The following PTPRG variants were observed in gnomAD, a reference collection of about 807,000 sequenced individuals.
PTPRG encodes the protein receptor-type tyrosine-protein phosphatase gamma.
Under a neutral mutation model 165.3 loss-of-function variants are expected in PTPRG, and 102 were observed. That is an observed-to-expected ratio of 0.62 (90% CI 0.53 to 0.73). PTPRG has a LOEUF of 0.73. Ranked by LOEUF, PTPRG falls within the 30% of genes least tolerant of loss-of-function variation. The probability of loss-of-function intolerance (pLI) is 0.00; values close to 1 mark genes in which losing one functional copy is unlikely to be tolerated. For missense variants in PTPRG, 1,866 were observed against 1,861.4 expected (o/e 1.00, Z -0.05); for synonymous variants, 675 against 669.5 (o/e 1.01, Z -0.13).
Position 62,273,015 on chromosome 3 carries a change from C to T in PTPRG, c.3252C>T (p.Ser1084=). ...DSMLQQIKDK[S]TVNVLGFLKH... is the part of the protein sequence containing the mutation. ...TGCTGCAACAGATAAAAGACAAAAG[C>T]ACAGTTAACGTCCTGGGATTCCTGA... The change falls in exon 22 of 30, where the codon AGC becomes AGT. Residue 1084 remains serine (S), a synonymous_variant. Coordinates refer to ENST00000474889, the MANE Select transcript of PTPRG (RefSeq NM_002841.4). The surrounding 1 kb of genome is among the most constrained non-coding windows in gnomAD (Gnocchi z 4.1). The T allele has an allele frequency of 6.2e-7, 1 of 1,613,778 alleles. No individual in the cohort carries two copies. Among genetic ancestry groups the T allele is most frequent in the Admixed American group, 1.7e-5 (1 of 59,984 alleles).
intron 1 of PTPRG, among the ~76,000 whole-genome samples, chr3:61,630,052 G>A (rs570082321): frequency 6.6e-6 from 1 of 152,266 alleles, no homozygotes; most frequent in East Asian, 1.9e-4. Flanking sequence ...CAAAGACCCT[G>A]GCCATGGCCT....
intron 1 of PTPRG, among the ~76,000 whole-genome samples, chr3:61,594,565 C>T (rs1700648366): frequency 6.6e-6 from 1 of 152,114 alleles, no homozygotes. Context: ...TCCATCCAAT[C>T]AGTTATTTCT....
chr3:62,093,420 G>A (rs956139134), intron 5 of PTPRG, among the ~76,000 whole-genome samples: 1 of 152,288 alleles, frequency 6.6e-6, no homozygotes, highest in South Asian at 2.1e-4. Context: ...GTGATCAGAC[G>A]TGCCATTGTC....
intron 3 of PTPRG, among the ~76,000 whole-genome samples, chr3:62,001,008 T>C (rs191985865): frequency 6.6e-6 from 1 of 151,366 alleles, no homozygotes; most frequent in African/African-American, 2.4e-5. Flanking sequence ...AGGTTACCAC[T>C]GTTAAGTGGC....
chr3:62,087,257 G>A (rs2106784259), intron 5 of PTPRG, among the ~76,000 whole-genome samples: 1 of 152,272 alleles, frequency 6.6e-6, no homozygotes, highest in East Asian at 1.9e-4. Flanking sequence ...AAGAATTTGA[G>A]TTGTGTGACT....
In PTPRG at chr3:62,273,009, CA is replaced by C; in HGVS notation, c.3250del (p.Ser1084AlafsTer9). 6.2e-7 allele frequency: 1 copy of C among 1,613,756 alleles called. No individual in the cohort carries two copies. The highest frequency in any genetic ancestry group is 8.5e-7 in the Non-Finnish European group (1 of 1,179,806). On this transcript the variant is annotated frameshift_variant, in exon 22 of 30. Transcript: ENST00000474889. LOFTEE classifies it high-confidence loss of function. This position sits in a 1 kb window ranked among gnomAD's most constrained non-coding sequence, Gnocchi z 4.1. ...IDSMLQQIKD[K>X]STVNVLGFLK... is the part of the protein sequence containing the mutation. ...ACAGCATGCTGCAACAGATAAAAGA[CA>C]AAAGCACAGTTAACGTCCTGGGATT...
At chr3:62,139,831 C>G (rs9866629) in intron 6 of PTPRG, among the ~76,000 whole-genome samples, 4,816 of 152,272 alleles carry the variant, frequency 0.032, 146 homozygotes, top group Middle Eastern at 0.11. Context: ...AATCTATGGA[C>G]AAAGCCCTAG....
intron 2 of PTPRG, among the ~76,000 whole-genome samples, chr3:61,806,357 T>C (rs1465219774): frequency 6.6e-6 from 1 of 152,114 alleles, no homozygotes; most frequent in African/African-American, 2.4e-5. Context: ...TGCATGTAGG[T>C]AAAGCCTCCC....
intron 3 of PTPRG, among the ~76,000 whole-genome samples, chr3:62,001,878 C>A (rs950176583): frequency 1.3e-5 from 2 of 152,116 alleles, no homozygotes; most frequent in Non-Finnish European, 2.9e-5. Flanking sequence ...ACAGTAGAGA[C>A]CAATTGGCCT....
At chr3:61,857,915 G>C (rs2037157844) in intron 2 of PTPRG, among the ~76,000 whole-genome samples, 1 of 152,044 alleles carries the variant, frequency 6.6e-6, no homozygotes, top group Admixed American at 6.6e-5. Context: ...CTGATATTTA[G>C]CAACATCCCT....
chr3:61,929,451 C>G (rs2039306172), intron 2 of PTPRG, among the ~76,000 whole-genome samples: 1 of 152,172 alleles, frequency 6.6e-6, no homozygotes, highest in Non-Finnish European at 1.5e-5. Context: ...AGTTCCATTT[C>G]TCAACTGAAA....
intron 2 of PTPRG, among the ~76,000 whole-genome samples, chr3:61,832,306 C>G (rs1250259532): frequency 1.3e-5 from 2 of 152,316 alleles, no homozygotes; most frequent in African/African-American, 2.4e-5. Flanking sequence ...AAAATAATAA[C>G]TATCTCTTTT....
intron 2 of PTPRG, among the ~76,000 whole-genome samples, chr3:61,833,657 G>T (rs1484589900): frequency 6.6e-6 from 1 of 151,962 alleles, no homozygotes; most frequent in Non-Finnish European, 1.5e-5. Context: ...CCGCCACCTG[G>T]GTTCAAGCAA....
intron 2 of PTPRG, among the ~76,000 whole-genome samples, chr3:61,766,986 G>A (rs956273826): frequency 1.3e-5 from 2 of 150,946 alleles, no homozygotes; most frequent in Admixed American, 1.3e-4. Flanking sequence ...GCTCAGGCCT[G>A]TAATACCAGC....
chr3:61,596,678 TCTC>T (rs1700710096), intron 1 of PTPRG, among the ~76,000 whole-genome samples: 1 of 152,054 alleles, frequency 6.6e-6, no homozygotes, highest in Non-Finnish European at 1.5e-5. Context: ...TGAACCCAGG[TCTC>T]CTCTTTGCTA....
chr3:61,768,114 A>G (rs1351549323), intron 2 of PTPRG, among the ~76,000 whole-genome samples: 1 of 152,194 alleles, frequency 6.6e-6, no homozygotes, highest in African/African-American at 2.4e-5. Context: ...GTAAAATACT[A>G]GTCATAAATG....
At chr3:62,042,773 C>T (rs147852666) in intron 4 of PTPRG, among the ~76,000 whole-genome samples, 211 of 152,254 alleles carry the variant, frequency 1.4e-3, no homozygotes, top group African/African-American at 4.8e-3. Context: ...AGATGCTAAC[C>T]CTTTAGGCCC....
chr3:61,835,301 C>T (rs561749408), intron 2 of PTPRG, among the ~76,000 whole-genome samples: 38 of 152,274 alleles, frequency 2.5e-4, no homozygotes, highest in Admixed American at 5.2e-4. Context: ...CTTTCTCCTG[C>T]TCCAGCCTCC....
chr3:61,645,260 TG>T (rs1702167578), intron 1 of PTPRG, among the ~76,000 whole-genome samples: 2 of 152,240 alleles, frequency 1.3e-5, no homozygotes, highest in Non-Finnish European at 2.9e-5. Flanking sequence ...CTCTCCCAGT[TG>T]GGTTGTGATT....
Sources: gnomAD v4.1 joint callset for allele counts (sites outside exome capture counted in the v4.1 genomes callset) on GRCh38, gnomAD v4.1.1 for gene constraint, Gnocchi (gnomAD v3.1) non-coding constraint, MANE v1.5 for transcripts, NCBI Gene and HGNC (gene_info 2026-07-23, HGNC 2026-07-21) for gene names.